Variants in FAM156A observed in about 807,000 individuals in gnomAD.
FAM156A encodes the protein family with sequence similarity 156 member A.
intron 1 of FAM156A, among the ~76,000 whole-genome samples, chrX:52,989,773 G>T (rs1297724672): frequency 8.9e-6 from 1 of 112,085 alleles, no homozygotes; most frequent in Non-Finnish European, 1.9e-5. Context: ...CTGGCTGGGG[G>T]GTTGGTGGCC....
In FAM156A at chrX:52,980,782, CTGTGTGTGTGTGTGTG is replaced by C. The variant is rs1156303085; in HGVS notation, c.-434+14508_-434+14523del. On this transcript the variant is annotated intron_variant, in intron 1 of 4. Transcript: ENST00000610625. ...AAGCAGCCTTTTGGTTAGGGTTCCTCTGTGTGTGTGTGTGTGTGTGTGTGTGTGTGTGTGTGTGTGT... is the reference window on the plus strand; with the variant it reads ...AAGCAGCCTTTTGGTTAGGGTTCCTCTGTGTGTGTGTGTGTGTGTGTGTGT... 6.0e-3 allele frequency among the ~76,000 whole-genome samples: 230 copies of C among 38,446 alleles called. 1 individual carries two copies. Among genetic ancestry groups the C allele is most frequent in the Middle Eastern group, 0.017 (1 of 58 alleles). The allele number at this position is 38,446 out of a possible 115,157, so 33.4% of individuals were successfully genotyped here. A position where few individuals can be genotyped will look rare whatever the true frequency, so the allele number is the denominator to read the frequency against.
chrX:52,995,378 T>C (rs1292899027), upstream of FAM156A: 2 of 112,659 alleles, frequency 1.8e-5, no homozygotes, highest in East Asian at 2.8e-4. Context: ...AGTTGGTGAG[T>C]AGGCCAAAGA....
chrX:52,973,230 T>A (rs1438411458), intron 1 of FAM156A, among the ~76,000 whole-genome samples: 7 of 92,345 alleles, frequency 7.6e-5, no homozygotes, highest in Non-Finnish European at 4.5e-5. Flanking sequence ...ATTAAAAAAT[T>A]AAAAAAAAAT....
At chrX:52,976,496 C>T (rs1409695241) in intron 1 of FAM156A, among the ~76,000 whole-genome samples, 4 of 111,146 alleles carry the variant, frequency 3.6e-5, no homozygotes, top group Non-Finnish European at 5.7e-5. Flanking sequence ...AGGAAGAAAA[C>T]GCAAGTAAAA....
chrX:52,981,439 C>T (rs1387310914), intron 1 of FAM156A, among the ~76,000 whole-genome samples: 1 of 111,391 alleles, frequency 9.0e-6, no homozygotes, highest in Non-Finnish European at 1.9e-5. Flanking sequence ...CACGTGGTAC[C>T]CCTGGACACC....
intron 1 of FAM156A, among the ~76,000 whole-genome samples, chrX:52,986,577 A>G (rs1177888685): frequency 9.0e-6 from 1 of 110,876 alleles, no homozygotes; most frequent in Non-Finnish European, 1.9e-5. Flanking sequence ...TAATATACCG[A>G]AAAAAAACTG....
At chrX:52,973,749 G>T (rs1180589523) in intron 1 of FAM156A, among the ~76,000 whole-genome samples, 7 of 111,481 alleles carry the variant, frequency 6.3e-5, no homozygotes, top group Non-Finnish European at 1.3e-4. Context: ...TGCAACCTCC[G>T]CCTTCCAGGT....
intron 1 of FAM156A, among the ~76,000 whole-genome samples, chrX:52,984,042 G>A (rs1425701128): frequency 1.8e-5 from 2 of 111,273 alleles, no homozygotes; most frequent in African/African-American, 6.6e-5. Context: ...TCCCATTTTC[G>A]ATTATTTGCT....
rs781878040 is a variant in FAM156A, at chrX:52,993,701, C to T, written c.-434+1605G>A. 8.1e-5 allele frequency among the ~76,000 whole-genome samples: 9 copies of T among 111,456 alleles called. No individual in the cohort carries two copies. In the South Asian group the frequency reaches 1.1e-3, roughly 14 times the overall value. On this transcript the variant is annotated intron_variant, in intron 1 of 4. Coordinates refer to the FAM156A transcript ENST00000610625. ...AAGTGCTGGGATTACAGGCATGAGC[C>T]ACTGCGTCAGCCACTGTCTTAACTT...
At chrX:52,980,861 G>C (rs920566095) in intron 1 of FAM156A, among the ~76,000 whole-genome samples, 39 of 102,199 alleles carry the variant, frequency 3.8e-4, no homozygotes, top group Non-Finnish European at 6.5e-4. Context: ...TAGAGGGAGA[G>C]AGAGAGAGAG....
intron 1 of FAM156A, among the ~76,000 whole-genome samples, chrX:52,986,077 A>G (rs1032134295): frequency 9.0e-6 from 1 of 110,633 alleles, no homozygotes; most frequent in African/African-American, 3.3e-5. Context: ...GCCACAACAA[A>G]CATACATGTG....
intron 1 of FAM156A, among the ~76,000 whole-genome samples, chrX:52,976,149 A>G (rs782376197): frequency 8.9e-6 from 1 of 111,992 alleles, no homozygotes; most frequent in East Asian, 2.8e-4. Flanking sequence ...CAGAACATCT[A>G]TTTTAAAAAT....
rs1221374594 is a variant in FAM156A, at chrX:52,990,806, GA to G, written c.-434+4499del. Among the ~76,000 whole-genome samples, 132 of 78,694 alleles carry G rather than the reference GA, an allele frequency of 1.7e-3. 1 individual carries two copies. The highest frequency in any genetic ancestry group is 5.7e-3 in the African/African-American group (110 of 19,401). The allele number at this position is 78,694 out of a possible 115,157, so 68.3% of individuals were successfully genotyped here. On this transcript the variant is annotated intron_variant, in intron 1 of 4. Transcript: ENST00000610625. ...AGAAAAGAAAAGAAAAGAAAGAAAA[GA>G]AAAGAAAAGAAAAGAAAAGAAAAGA...
intron 1 of FAM156A, among the ~76,000 whole-genome samples, chrX:52,987,975 G>A (rs1159167192): frequency 1.2e-4 from 13 of 112,122 alleles, no homozygotes; most frequent in African/African-American, 4.2e-4. Context: ...AAGGGGTCGA[G>A]CGCAGTGGCT....
chrX:52,976,618 T>C (rs782280575), intron 1 of FAM156A, among the ~76,000 whole-genome samples: 16 of 111,679 alleles, frequency 1.4e-4, no homozygotes, highest in Non-Finnish European at 2.8e-4. Flanking sequence ...TTTAAAATTA[T>C]GAGATTGGAG....
intron 1 of FAM156A, among the ~76,000 whole-genome samples, chrX:52,987,903 T>C (rs1556794769): frequency 9.0e-6 from 1 of 111,711 alleles, no homozygotes; most frequent in Non-Finnish European, 1.9e-5. Context: ...ACACATACAA[T>C]GGAATATTAT....
At chrX:52,975,218 G>A (rs1556791857) in intron 1 of FAM156A, among the ~76,000 whole-genome samples, 1 of 111,050 alleles carries the variant, frequency 9.0e-6, no homozygotes, top group East Asian at 2.8e-4. Flanking sequence ...TGGCCTCAAA[G>A]ATGCCACGGC....
At chrX:52,981,016 CTTT>C (rs782751034) in intron 1 of FAM156A, among the ~76,000 whole-genome samples, 2 of 104,139 alleles carry the variant, frequency 1.9e-5, no homozygotes, top group Non-Finnish European at 3.9e-5. Flanking sequence ...TTTTTTTTTT[CTTT>C]AAGACTTTCA....
intron 1 of FAM156A, among the ~76,000 whole-genome samples, chrX:52,983,492 G>A (rs782674097): frequency 1.8e-5 from 2 of 112,295 alleles, no homozygotes; most frequent in South Asian, 7.4e-4. Flanking sequence ...AGGGGCTGCA[G>A]TAGCAGCAGC....
Sources: gnomAD v4.1 joint callset for allele counts (sites outside exome capture counted in the v4.1 genomes callset) on GRCh38, gnomAD v4.1.1 for gene constraint, MANE v1.5 for transcripts, NCBI Gene and HGNC (gene_info 2026-07-23, HGNC 2026-07-21) for gene names.